The following SRRM4 variants were observed in gnomAD, a reference collection of about 807,000 sequenced individuals.
SRRM4 encodes serine/arginine repetitive matrix protein 4.
A neutral mutation model predicts 68.9 loss-of-function variants in SRRM4; 33 were observed. That is an observed-to-expected ratio of 0.48 (90% confidence interval 0.36 to 0.64). The LOEUF is 0.64. Ranked by LOEUF, SRRM4 falls within the 30% of genes least tolerant of loss-of-function variation. The probability of loss-of-function intolerance (pLI) is 0.00; values close to 1 mark genes in which losing one functional copy is unlikely to be tolerated. For synonymous variants in SRRM4, 318 were observed against 318.8 expected (o/e 1.00, Z 0.03); for missense variants, 817 against 827.1 (o/e 0.99, Z 0.15).
intron 1 of SRRM4, among the ~76,000 whole-genome samples, chr12:119,087,388 G>A (rs2136034842): frequency 6.6e-6 from 1 of 152,324 alleles, no homozygotes; most frequent in African/African-American, 2.4e-5. Context: ...GGAGGAAAAA[G>A]GAGTGGAAAC....
At chr12:119,127,288 A>G (rs528495643) in intron 7 of SRRM4, among the ~76,000 whole-genome samples, 1 of 152,052 alleles carries the variant, frequency 6.6e-6, no homozygotes, top group Non-Finnish European at 1.5e-5. Flanking sequence ...GGACACTGAG[A>G]CCTCCAGCTT....
At chr12:119,077,882 C>G (rs1414136308) in intron 1 of SRRM4, among the ~76,000 whole-genome samples, 1 of 152,124 alleles carries the variant, frequency 6.6e-6, no homozygotes, top group Non-Finnish European at 1.5e-5. Flanking sequence ...TTCTCTCTCC[C>G]CAACACTATA....
intron 1 of SRRM4, among the ~76,000 whole-genome samples, chr12:119,088,601 T>C (rs1953993980): frequency 6.6e-6 from 1 of 150,804 alleles, no homozygotes; most frequent in Non-Finnish European, 1.5e-5. Context: ...AGGCCACCAG[T>C]GATGTCTTGG....
chr12:119,136,220 A>G (rs187096522), intron 8 of SRRM4, among the ~76,000 whole-genome samples: 1 of 152,342 alleles, frequency 6.6e-6, no homozygotes, highest in Non-Finnish European at 1.5e-5. Flanking sequence ...CCCAGGAGAA[A>G]GGCGAGATGG....
chr12:119,106,276 T>A (rs909153354), intron 2 of SRRM4, among the ~76,000 whole-genome samples: 2 of 152,126 alleles, frequency 1.3e-5, no homozygotes, highest in Non-Finnish European at 2.9e-5. Flanking sequence ...GGCTTAGGAT[T>A]GTCTTGGCAA....
chr12:119,005,480 C>T (rs1246887717), intron 1 of SRRM4, among the ~76,000 whole-genome samples: 2 of 152,106 alleles, frequency 1.3e-5, no homozygotes, highest in Non-Finnish European at 2.9e-5. Flanking sequence ...TTTTCTTAAT[C>T]GCTCCCTAGG....
intron 1 of SRRM4, among the ~76,000 whole-genome samples, chr12:119,080,813 T>A (rs544376359): frequency 1.8e-4 from 27 of 152,312 alleles, no homozygotes; most frequent in African/African-American, 6.3e-4. Context: ...AATCTACTCA[T>A]TCGTTAGTCT....
intron 7 of SRRM4, among the ~76,000 whole-genome samples, chr12:119,128,625 C>T (rs1210683614): frequency 2.6e-5 from 4 of 152,216 alleles, no homozygotes; most frequent in Admixed American, 6.5e-5. Context: ...TGATCTGTTA[C>T]AGCAGAGACA....
At chr12:119,136,622 A>G (rs1954330045) in intron 8 of SRRM4, among the ~76,000 whole-genome samples, 2 of 152,238 alleles carry the variant, frequency 1.3e-5, no homozygotes, top group Admixed American at 1.3e-4. Context: ...CGACCTTGGA[A>G]GAAAAAAATG....
At chr12:119,030,967 T>A (rs557769833) in intron 1 of SRRM4, 20 of 152,340 alleles carry the variant, frequency 1.3e-4, no homozygotes, top group African/African-American at 4.8e-4. Flanking sequence ...TTTGCACACA[T>A]CCATGATTAT....
In SRRM4 at chr12:119,130,788, C is replaced by G; in HGVS notation, c.725C>G (p.Pro242Arg). The G allele has an allele frequency of 6.2e-7, 1 of 1,608,896 alleles. No individual in the cohort carries two copies. Among genetic ancestry groups the G allele is most frequent in the Non-Finnish European group, 8.5e-7 (1 of 1,179,794 alleles). The change falls in exon 8 of 13, where the codon CCC (proline) becomes CGC (arginine). Residue 242 changes from proline to arginine, a missense_variant. Physicochemically the swap from Pro to Arg is moderately radical, Grantham distance 103. Coordinates refer to ENST00000267260, the MANE Select transcript of SRRM4 (RefSeq NM_194286.4). ...CCTGAGGCCCAGTCCAGTCGCCCGCCCAGTCAACCCCTCCAGATGCTTGGC... is the reference window on the plus strand; with the variant it reads ...CCTGAGGCCCAGTCCAGTCGCCCGCGCAGTCAACCCCTCCAGATGCTTGGC... ...DSPEAQSSRP[P>R]SQPLQMLGYL...
intron 1 of SRRM4, among the ~76,000 whole-genome samples, chr12:118,987,298 T>C (rs548356183): frequency 2.0e-5 from 3 of 152,162 alleles, no homozygotes; most frequent in Non-Finnish European, 2.9e-5. Flanking sequence ...GATGCTCTTG[T>C]GTACTATGCC....
intron 1 of SRRM4, among the ~76,000 whole-genome samples, chr12:119,096,338 G>A (rs1441014651): frequency 1.3e-5 from 2 of 151,968 alleles, no homozygotes; most frequent in East Asian, 1.9e-4. Flanking sequence ...CGGCCTCTCA[G>A]TTGATTCTTA....
rs1208474958 is a variant in SRRM4, at chr12:119,161,403, C to A, written c.*4605C>A. 1 of 152,168 alleles carries A rather than the reference C, an allele frequency of 6.6e-6. No individual in the cohort carries two copies. The highest frequency in any genetic ancestry group is 1.5e-5 in the Non-Finnish European group (1 of 68,040). 9.4% of individuals were successfully genotyped at this position (152,168 alleles called of 1,614,324 possible). On this transcript the variant is annotated 3_prime_UTR_variant, in exon 13 of 13. Coordinates refer to ENST00000267260, the MANE Select transcript of SRRM4 (RefSeq NM_194286.4). The stretch of plus-strand genomic sequence containing the variant: ...AGTCTCGTTCTTCTCACTTCTGCAC[C>A]AGTGAGCCAATGATACTGACAGAAA...
intron 1 of SRRM4, among the ~76,000 whole-genome samples, chr12:119,086,245 T>C (rs1473780805): frequency 6.6e-6 from 1 of 152,156 alleles, no homozygotes; most frequent in Non-Finnish European, 1.5e-5. Flanking sequence ...CTTATTTGGA[T>C]ATTCTTAGTT....
intron 1 of SRRM4, among the ~76,000 whole-genome samples, chr12:119,088,710 G>A (rs1421936637): frequency 1.3e-5 from 2 of 152,052 alleles, no homozygotes; most frequent in Admixed American, 6.6e-5. Context: ...ACAAAAGGAG[G>A]TTGGGATAGT....
At chr12:119,106,828 C>T (rs7301787) in intron 2 of SRRM4, among the ~76,000 whole-genome samples, 11,761 of 152,190 alleles carry the variant, frequency 0.077, 508 homozygotes, top group Admixed American at 0.1. Flanking sequence ...TTGCCCTGGC[C>T]GGAACTTGCA....
At chr12:119,014,609 T>C (rs1396051645) in intron 1 of SRRM4, among the ~76,000 whole-genome samples, 3 of 152,170 alleles carry the variant, frequency 2.0e-5, no homozygotes, top group Non-Finnish European at 4.4e-5. Context: ...CACTCCATGT[T>C]TTTAAAGAGT....
At chr12:119,132,907 T>C (rs1048910386) in intron 8 of SRRM4, 2 of 152,214 alleles carry the variant, frequency 1.3e-5, no homozygotes, top group Non-Finnish European at 2.9e-5. Context: ...CCTGAGATAG[T>C]AGTAATTACT....
Sources: allele counts gnomAD v4.1 joint callset (sites outside exome capture counted in the v4.1 genomes callset), GRCh38; gene constraint gnomAD v4.1.1; transcripts MANE v1.5; gene names NCBI Gene and HGNC (gene_info 2026-07-23, HGNC 2026-07-21).